The following SPSB4 variants were observed in gnomAD, a reference collection of about 807,000 sequenced individuals.
The protein encoded by SPSB4 is splA/ryanodine receptor domain and SOCS box containing 4.
Under a neutral mutation model 20.9 loss-of-function variants are expected in SPSB4, and 21 were observed. The ratio of observed to expected loss-of-function variants is 1.01; its 90% CI spans 0.71 to 1.45. The LOEUF (loss-of-function observed/expected upper bound fraction) is 1.45. Among genes scored for constraint, SPSB4 ranks in the 40% most tolerant of loss-of-function variants. The pLI, the probability that SPSB4 is intolerant of heterozygous loss-of-function variation, is 0.00. For missense variants in SPSB4, 399 were observed against 399.2 expected (o/e 1.00, Z 0.00); for synonymous variants, 207 against 183.8 (o/e 1.13, Z -1.02).
At chr3:141,061,594 CATT>C (rs1441015527) in intron 1 of SPSB4, among the ~76,000 whole-genome samples, 5 of 151,828 alleles carry the variant, frequency 3.3e-5, no homozygotes, top group African/African-American at 7.2e-5. Context: ...AGTATTGATA[CATT>C]ATTATTAACT....
chr3:141,103,268 G>T (rs920884137), intron 2 of SPSB4, among the ~76,000 whole-genome samples: 41 of 152,164 alleles, frequency 2.7e-4, no homozygotes, highest in African/African-American at 8.4e-4. Context: ...AGTGAACCCT[G>T]GGGTAGGCCA....
intron 1 of SPSB4, among the ~76,000 whole-genome samples, chr3:141,057,083 G>A (rs897046945): frequency 1.3e-5 from 2 of 152,238 alleles, no homozygotes; most frequent in Non-Finnish European, 2.9e-5. Flanking sequence ...GAAAACAGGC[G>A]TGAGATGATT....
intron 2 of SPSB4, chr3:141,132,095 C>A: frequency 4.0e-6 from 1 of 248,278 alleles, no homozygotes; most frequent in Non-Finnish European, 8.2e-6. Context: ...AATTTTGATG[C>A]ACTACTCAAT....
chr3:141,061,812 T>G (rs1937771315), intron 1 of SPSB4, among the ~76,000 whole-genome samples: 1 of 151,284 alleles, frequency 6.6e-6, no homozygotes, highest in South Asian at 2.1e-4. Context: ...CTTGGCTTAC[T>G]GCAACCTCCA....
intron 2 of SPSB4, among the ~76,000 whole-genome samples, chr3:141,143,288 A>T (rs1366309214): frequency 6.6e-6 from 1 of 152,178 alleles, no homozygotes; most frequent in Non-Finnish European, 1.5e-5. Context: ...GACAGCAGAT[A>T]CTTGGTTGGT....
At chr3:141,075,988 G>A (rs111830610) in intron 2 of SPSB4, among the ~76,000 whole-genome samples, 5,667 of 151,874 alleles carry the variant, frequency 0.037, 357 homozygotes, top group African/African-American at 0.13. Flanking sequence ...TGAACCCGAA[G>A]GTGGAGGTTG....
intron 2 of SPSB4, among the ~76,000 whole-genome samples, chr3:141,107,035 C>T (rs1455299192): frequency 6.6e-6 from 1 of 152,192 alleles, no homozygotes; most frequent in Non-Finnish European, 1.5e-5. Flanking sequence ...TCTCATGGGC[C>T]CCACTGGGAT....
chr3:141,110,606 A>G (rs1377785668), intron 2 of SPSB4, among the ~76,000 whole-genome samples: 1 of 152,220 alleles, frequency 6.6e-6, no homozygotes, highest in Non-Finnish European at 1.5e-5. Context: ...GTTCAGCAGG[A>G]GGCTTTATTC....
intron 1 of SPSB4, among the ~76,000 whole-genome samples, chr3:141,063,566 C>T (rs1481069581): frequency 1.3e-5 from 2 of 152,134 alleles, no homozygotes; most frequent in Admixed American, 6.5e-5. Context: ...TTTGTTGAGA[C>T]CATGCTAGGT....
intron 2 of SPSB4, among the ~76,000 whole-genome samples, chr3:141,146,885 A>T (rs1477625066): frequency 6.6e-6 from 1 of 151,726 alleles, no homozygotes; most frequent in Non-Finnish European, 1.5e-5. Flanking sequence ...CTCTTTTTTT[A>T]AAAAAAATTA....
intron 2 of SPSB4, among the ~76,000 whole-genome samples, chr3:141,123,245 C>A (rs1327279725): frequency 6.6e-6 from 1 of 152,212 alleles, no homozygotes; most frequent in Non-Finnish European, 1.5e-5. Flanking sequence ...TAATTTAATG[C>A]ATACCCATGA....
At chr3:141,074,718 C>G (rs753206309) in intron 2 of SPSB4, among the ~76,000 whole-genome samples, 4 of 152,236 alleles carry the variant, frequency 2.6e-5, no homozygotes, top group Non-Finnish European at 4.4e-5. Flanking sequence ...TGAGCAGCAC[C>G]TTCACCAGCT....
chr3:141,069,947 G>A (rs376482430), intron 2 of SPSB4, among the ~76,000 whole-genome samples: 3 of 152,260 alleles, frequency 2.0e-5, no homozygotes, highest in Admixed American at 6.5e-5. Context: ...GGCTCACTAC[G>A]TTTAACTCTG....
At chr3:141,130,877 G>A (rs1386046306) in intron 2 of SPSB4, among the ~76,000 whole-genome samples, 1 of 152,198 alleles carries the variant, frequency 6.6e-6, no homozygotes, top group Non-Finnish European at 1.5e-5. Flanking sequence ...GGAATATTCA[G>A]ATCACTGGAG....
intron 2 of SPSB4, among the ~76,000 whole-genome samples, chr3:141,075,073 T>A: frequency 6.6e-6 from 1 of 150,774 alleles, no homozygotes; most frequent in South Asian, 2.1e-4. Flanking sequence ...AGGCCTCCAA[T>A]CCCCCTTGAA....
chr3:141,089,256 C>T (rs1293214601), intron 2 of SPSB4, among the ~76,000 whole-genome samples: 1 of 152,202 alleles, frequency 6.6e-6, no homozygotes, highest in Non-Finnish European at 1.5e-5. Context: ...TCCCCATCTG[C>T]ACCGGGAGGC....
chr3:141,115,026 T>C (rs556755849), intron 2 of SPSB4: 2 of 152,342 alleles, frequency 1.3e-5, no homozygotes, highest in East Asian at 3.9e-4. Context: ...AGTTCCTTCA[T>C]AGGGTGTGAG....
At chr3:141,125,430 A>G (rs1447517619) in intron 2 of SPSB4, among the ~76,000 whole-genome samples, 1 of 152,216 alleles carries the variant, frequency 6.6e-6, no homozygotes, top group Non-Finnish European at 1.5e-5. Context: ...CCTTCATCAC[A>G]TCATGGCAGG....
intron 2 of SPSB4, among the ~76,000 whole-genome samples, chr3:141,119,397 C>T (rs764081109): frequency 1.3e-4 from 20 of 152,168 alleles, no homozygotes; most frequent in Non-Finnish European, 2.5e-4. Flanking sequence ...TGGGCTGAAA[C>T]AATGGGGTTT....
Sources: allele counts gnomAD v4.1 joint callset (sites outside exome capture counted in the v4.1 genomes callset), GRCh38; gene constraint gnomAD v4.1.1; transcripts MANE v1.5; gene names NCBI Gene and HGNC (gene_info 2026-07-23, HGNC 2026-07-21).